The following COL14A1 variants were observed in gnomAD, a reference collection of about 807,000 sequenced individuals.
COL14A1 encodes the protein collagen type XIV alpha 1 chain, also known as collagen alpha-1(XIV) chain.
COL14A1 carries 136 observed loss-of-function variants against 230.3 expected under a neutral mutation model. That is an observed-to-expected ratio of 0.59 (90% CI 0.51 to 0.68). COL14A1 has a LOEUF of 0.68. COL14A1 is among the 30% of genes least tolerant of loss of function. The pLI, the probability that COL14A1 is intolerant of heterozygous loss-of-function variation, is 0.00. For synonymous variants in COL14A1, 792 were observed against 784.1 expected (o/e 1.01, Z -0.17); for missense variants, 1,976 against 2,215.8 (o/e 0.89, Z 2.17).
At chr8:120,358,757 A>C (rs1461936529) in intron 45 of COL14A1, among the ~76,000 whole-genome samples, 2 of 152,168 alleles carry the variant, frequency 1.3e-5, no homozygotes, top group Non-Finnish European at 2.9e-5. Flanking sequence ...AAATGGAAAT[A>C]TAATGTAGTT....
intron 32 of COL14A1, among the ~76,000 whole-genome samples, chr8:120,285,280 C>T (rs1199942272): frequency 6.6e-6 from 1 of 151,380 alleles, no homozygotes; most frequent in East Asian, 1.9e-4. Context: ...GTCAGGAGAT[C>T]GAGACCAAGC....
intron 46 of COL14A1, 76 bp downstream of exon 46, chr8:120,367,324 G>A (rs930315456): frequency 2.5e-6 from 3 of 1,187,970 alleles, no homozygotes; most frequent in African/African-American, 3.1e-5. Flanking sequence ...GAGGAAAATG[G>A]TCATCTTACA....
intron 19 of COL14A1, among the ~76,000 whole-genome samples, chr8:120,236,146 C>T (rs1339793243): frequency 6.6e-6 from 1 of 152,162 alleles, no homozygotes; most frequent in Non-Finnish European, 1.5e-5. Flanking sequence ...TGGTCCAGAG[C>T]TGAGTTCAAG....
chr8:120,135,797 T>C (rs1814692066), intron 1 of COL14A1, among the ~76,000 whole-genome samples: 1 of 152,142 alleles, frequency 6.6e-6, no homozygotes, highest in African/African-American at 2.4e-5. Context: ...TACACTTTTA[T>C]ATTTTGGTAT....
At chr8:120,177,694 C>CTATATATA (rs3030325) in intron 5 of COL14A1, among the ~76,000 whole-genome samples, 10,199 of 129,204 alleles carry the variant, frequency 0.079, 452 homozygotes, top group Non-Finnish European at 0.099. Context: ...TATAAAAAGA[C>CTATATATA]TATATATATA....
chr8:120,308,945 T>A (rs1820939169), intron 36 of COL14A1, among the ~76,000 whole-genome samples: 1 of 151,992 alleles, frequency 6.6e-6, no homozygotes, highest in Non-Finnish European at 1.5e-5. Context: ...TCTAGCTAAA[T>A]TTTTTTTGTT....
chr8:120,241,631 G>A (rs886358035), intron 19 of COL14A1, among the ~76,000 whole-genome samples: 1 of 151,332 alleles, frequency 6.6e-6, no homozygotes, highest in African/African-American at 2.5e-5. Context: ...TTTTTACTTT[G>A]CTTTGTCTAA....
At chr8:120,266,776 T>TC (rs1170515462) in intron 24 of COL14A1, 51 bp from the exon 25 acceptor site, 1 of 1,455,862 alleles carries the variant, frequency 6.9e-7, no homozygotes. Flanking sequence ...CTTCCGCTCT[T>TC]CCCCACAGAT....
At chr8:120,166,288 C>T (rs1422692633) in intron 4 of COL14A1, among the ~76,000 whole-genome samples, 3 of 152,102 alleles carry the variant, frequency 2.0e-5, no homozygotes, top group Admixed American at 1.3e-4. Context: ...TGTTGTAGGA[C>T]TGGAAACTGT....
chr8:120,267,053 T>C (rs1819521639), intron 25 of COL14A1, 170 bp downstream of exon 25: 1 of 592,832 alleles, frequency 1.7e-6, no homozygotes, highest in Non-Finnish European at 3.0e-6. Context: ...GATATCCATT[T>C]AATATCAATT....
At chr8:120,162,767 A>G (rs1222116018) in intron 4 of COL14A1, among the ~76,000 whole-genome samples, 198 bp downstream of exon 4, 4 of 152,182 alleles carry the variant, frequency 2.6e-5, no homozygotes, top group African/African-American at 4.8e-5. Flanking sequence ...CCATTTTGCT[A>G]TATTCTTACT....
intron 19 of COL14A1, among the ~76,000 whole-genome samples, chr8:120,232,323 G>T (rs1049988939): frequency 6.6e-6 from 1 of 151,862 alleles, no homozygotes; most frequent in African/African-American, 2.4e-5. Context: ...GAACATGCAG[G>T]TTTTTTACAT....
At chr8:120,342,279 CT>C in intron 43 of COL14A1, 100 bp from the exon 44 acceptor site, 1 of 1,208,560 alleles carries the variant, frequency 8.3e-7, no homozygotes, top group Non-Finnish European at 1.2e-6. Flanking sequence ...CCAAAGATCC[CT>C]GATGGGAACA....
intron 42 of COL14A1, 79 bp downstream of exon 42, chr8:120,332,814 C>T: frequency 8.6e-7 from 1 of 1,158,802 alleles, no homozygotes; most frequent in Non-Finnish European, 1.2e-6. Flanking sequence ...ACCAGCCTTT[C>T]TGTTAGTCAG....
intron 18 of COL14A1, among the ~76,000 whole-genome samples, chr8:120,230,405 C>T (rs1193419429): frequency 6.6e-6 from 1 of 152,066 alleles, no homozygotes; most frequent in Non-Finnish European, 1.5e-5. Flanking sequence ...TCTCCATTAC[C>T]CATTTGTTGA....
rs947207267 is a variant in COL14A1, at chr8:120,322,659, G to A, written c.4659+6662G>A. Reference sequence around the variant, plus strand: ...AGAACATGCAGAATCTGGTTTTTCTGTTCCTGCATAAGTTTGCTATGGATA... The same window carrying A: ...AGAACATGCAGAATCTGGTTTTTCTATTCCTGCATAAGTTTGCTATGGATA... On this transcript the variant is annotated intron_variant, in intron 40 of 47. Coordinates refer to ENST00000297848, the MANE Select transcript of COL14A1 (RefSeq NM_021110.4). Among the ~76,000 whole-genome samples, 8 of 151,774 alleles carry A rather than the reference G, an allele frequency of 5.3e-5. No homozygotes were observed. The East Asian group carries it at 1.3e-3, about 26-fold the overall frequency.
Position 120,209,738 on chromosome 8 carries a change from A to T in COL14A1, c.1322-18A>T. The stretch of plus-strand genomic sequence containing the variant: ...ACATATATAAGTGGCTCAACATTTA[A>T]AAAAAAATCTCTTGCAGTTGCTTTA... On this transcript the variant is annotated intron_variant, in intron 11 of 47. Coordinates refer to ENST00000297848, the MANE Select transcript of COL14A1 (RefSeq NM_021110.4). The T allele has an allele frequency of 6.3e-7, 1 of 1,596,002 alleles. No homozygotes were observed.
intron 36 of COL14A1, among the ~76,000 whole-genome samples, chr8:120,302,844 T>C (rs1820757413): frequency 6.6e-6 from 1 of 152,214 alleles, no homozygotes; most frequent in African/African-American, 2.4e-5. Flanking sequence ...ATGGCCATTT[T>C]AACAGTATTG....
intron 45 of COL14A1, among the ~76,000 whole-genome samples, chr8:120,366,158 T>C (rs1417328987): frequency 6.6e-6 from 1 of 152,250 alleles, no homozygotes; most frequent in Non-Finnish European, 1.5e-5. Context: ...AGCATCTTGC[T>C]TGTTACATCT....
Sources: allele counts gnomAD v4.1 joint callset (sites outside exome capture counted in the v4.1 genomes callset), GRCh38; gene constraint gnomAD v4.1.1; transcripts MANE v1.5; gene names NCBI Gene and HGNC (gene_info 2026-07-23, HGNC 2026-07-21).